The following LRP1B variants were observed in gnomAD, a reference collection of about 807,000 sequenced individuals.
LRP1B encodes the protein low-density lipoprotein receptor-related protein 1B.
A neutral mutation model predicts 556.6 loss-of-function variants in LRP1B; 217 were observed. The observed-to-expected ratio is 0.39, with a 90% CI of 0.35 to 0.44. The LOEUF (loss-of-function observed/expected upper bound fraction) is 0.44. Ranked by LOEUF, LRP1B falls within the 20% of genes least tolerant of loss-of-function variation. The pLI is 1.00. For missense variants in LRP1B, 5,053 were observed against 5,620.8 expected (o/e 0.90, Z 3.23); for synonymous variants, 2,047 against 1,865.8 (o/e 1.10, Z -2.50).
At chr2:141,894,746 C>T (rs973761119) in intron 1 of LRP1B, among the ~76,000 whole-genome samples, 2 of 151,534 alleles carry the variant, frequency 1.3e-5, no homozygotes, top group Non-Finnish European at 2.9e-5. Flanking sequence ...CCTATATATA[C>T]CCATTAAGAA....
chr2:140,246,682 C>A (rs192853892), intron 87 of LRP1B, among the ~76,000 whole-genome samples: 1 of 151,432 alleles, frequency 6.6e-6, no homozygotes, highest in Admixed American at 6.6e-5. Flanking sequence ...TGTCTTTCTC[C>A]CCCCAAGACA....
At chr2:141,350,509 C>T (rs147643719) in intron 3 of LRP1B, among the ~76,000 whole-genome samples, 3 of 152,044 alleles carry the variant, frequency 2.0e-5, no homozygotes, top group African/African-American at 7.3e-5. Context: ...TAGAGGTTCA[C>T]TTACCATAGC....
At chr2:140,714,951 A>C (rs550727510) in intron 37 of LRP1B, among the ~76,000 whole-genome samples, 1 of 152,320 alleles carries the variant, frequency 6.6e-6, no homozygotes, top group Non-Finnish European at 1.5e-5. Context: ...GCCATACAAC[A>C]ATCTAAACTA....
At chr2:141,589,951 G>C (rs1477782595) in intron 2 of LRP1B, among the ~76,000 whole-genome samples, 1 of 152,124 alleles carries the variant, frequency 6.6e-6, no homozygotes, top group Non-Finnish European at 1.5e-5. Flanking sequence ...TTTGATTTAA[G>C]AAGCCACTAA....
chr2:140,426,722 C>T (rs536948079), intron 66 of LRP1B, among the ~76,000 whole-genome samples: 34 of 152,268 alleles, frequency 2.2e-4, no homozygotes, highest in African/African-American at 7.5e-4. Context: ...GGACTCAGCC[C>T]GCCTGCACCC....
intron 3 of LRP1B, among the ~76,000 whole-genome samples, chr2:141,419,336 CATTTGAGAAGG>C (rs1272712813): frequency 6.6e-6 from 1 of 152,132 alleles, no homozygotes; most frequent in Non-Finnish European, 1.5e-5. Context: ...GCTGTGGAAT[CATTTGAGAAGG>C]ATCCATGTTT....
At chr2:140,372,745 TATA>T (rs1683049700) in intron 69 of LRP1B, among the ~76,000 whole-genome samples, 1 of 152,164 alleles carries the variant, frequency 6.6e-6, no homozygotes, top group Non-Finnish European at 1.5e-5. Flanking sequence ...TTCCAAATGG[TATA>T]ATAAGATATA....
At chr2:140,285,636 C>T (rs966863505) in intron 84 of LRP1B, among the ~76,000 whole-genome samples, 15 of 151,626 alleles carry the variant, frequency 9.9e-5, no homozygotes, top group Admixed American at 1.3e-4. Context: ...TCCCTCTGTA[C>T]TAAGACTTTC....
intron 2 of LRP1B, among the ~76,000 whole-genome samples, chr2:141,534,191 G>A (rs1346922538): frequency 2.0e-5 from 3 of 152,164 alleles, no homozygotes; most frequent in Non-Finnish European, 2.9e-5. Context: ...TTAAATATTC[G>A]TGGGTAATGG....
At chr2:141,404,609 C>T (rs1260775259) in intron 3 of LRP1B, among the ~76,000 whole-genome samples, 1 of 151,848 alleles carries the variant, frequency 6.6e-6, no homozygotes, top group Non-Finnish European at 1.5e-5. Context: ...TAGAAAAATA[C>T]ATTTGGTTCA....
chr2:141,356,835 C>T (rs933962069), intron 3 of LRP1B, among the ~76,000 whole-genome samples: 1 of 151,878 alleles, frequency 6.6e-6, no homozygotes, highest in Non-Finnish European at 1.5e-5. Context: ...TAAGCCATAC[C>T]CTTATGTCCT....
Position 140,536,727 on chromosome 2 carries a change from A to AG in LRP1B, c.7514-19_7514-18insC. ...ATTTTTAGCTGCAAGAAAAAAAAAAAAAGTCAATACTTTTGTGCAATGGCA... is the reference window on the plus strand; with the variant it reads ...ATTTTTAGCTGCAAGAAAAAAAAAAAGAAGTCAATACTTTTGTGCAATGGCA... On this transcript the variant is annotated intron_variant, in intron 45 of 90. Coordinates refer to ENST00000389484, the MANE Select transcript of LRP1B (RefSeq NM_018557.3). The AG allele has an allele frequency of 6.3e-7, 1 of 1,579,096 alleles. No homozygotes were observed. Among genetic ancestry groups the AG allele is most frequent in the Non-Finnish European group, 8.6e-7 (1 of 1,167,746 alleles).
intron 41 of LRP1B, among the ~76,000 whole-genome samples, chr2:140,630,669 G>GA (rs775656108): frequency 2.6e-5 from 4 of 151,602 alleles, no homozygotes; most frequent in Non-Finnish European, 4.4e-5. Flanking sequence ...GAAGAATTAA[G>GA]AAAAAAAACC....
At position 141,761,370 on chromosome 2, in the gene LRP1B, A is replaced by G. The variant is rs1051826022; in HGVS notation, c.205+48909T>C. On this transcript the variant is annotated intron_variant, in intron 2 of 90. Coordinates refer to ENST00000389484, the MANE Select transcript of LRP1B (RefSeq NM_018557.3). ...CAGCAATCCTAAGTCAAAAAAAAAA[A>G]ATACATTGAAGTCTAGTTTATTATG... Among the ~76,000 whole-genome samples, 22 of 151,436 alleles carry G rather than the reference A, an allele frequency of 1.5e-4. No individual in the cohort carries two copies. The South Asian group carries it at 2.9e-3, about 20-fold the overall frequency.
chr2:140,982,196 C>T lies in LRP1B; in HGVS notation c.2851G>A (p.Asp951Asn), dbSNP rs760912114. The change falls in exon 18 of 91, where the codon GAC (aspartate) becomes AAC (asparagine). Residue 951 changes from aspartate to asparagine, a missense_variant. Coordinates refer to ENST00000389484, the MANE Select transcript of LRP1B (RefSeq NM_018557.3). ...ATTTCATCTGTCTGGTCACCACAGT[C>T]GTCTTCCCTGTCACACAGCCATGCT... is the stretch of plus-strand genomic sequence containing the variant. ...PRAWLCDRED[D>N]CGDQTDEMAS... is the part of the protein sequence containing the mutation. 17 of 1,613,400 alleles carry T rather than the reference C, an allele frequency of 1.1e-5. No homozygotes were observed. The highest frequency in any genetic ancestry group is 2.2e-5 in the East Asian group (1 of 44,842).
intron 83 of LRP1B, among the ~76,000 whole-genome samples, chr2:140,300,161 C>T (rs1683759788): frequency 6.6e-6 from 1 of 152,106 alleles, no homozygotes; most frequent in Admixed American, 6.6e-5. Flanking sequence ...TTAGATCATT[C>T]AGAGTGCAGC....
At chr2:140,332,565 A>G (rs1396973761) in intron 79 of LRP1B, among the ~76,000 whole-genome samples, 1 of 152,064 alleles carries the variant, frequency 6.6e-6, no homozygotes, top group Non-Finnish European at 1.5e-5. Context: ...AATTGTGCTT[A>G]ACTGGTTGAA....
intron 10 of LRP1B, among the ~76,000 whole-genome samples, chr2:141,049,497 T>C (rs1335668215): frequency 1.3e-5 from 2 of 152,126 alleles, no homozygotes; most frequent in Admixed American, 6.6e-5. Context: ...GATCATTAGA[T>C]AACTTGTAAC....
At chr2:141,000,323 A>G (rs1430624215) in intron 15 of LRP1B, among the ~76,000 whole-genome samples, 1 of 152,096 alleles carries the variant, frequency 6.6e-6, no homozygotes, top group African/African-American at 2.4e-5. Context: ...AAATAAACAT[A>G]AAGGACAAGC....
Sources: allele counts gnomAD v4.1 joint callset (sites outside exome capture counted in the v4.1 genomes callset), GRCh38; gene constraint gnomAD v4.1.1; transcripts MANE v1.5; gene names NCBI Gene and HGNC (gene_info 2026-07-23, HGNC 2026-07-21).